The following CTBP1 variants were observed in gnomAD, a reference collection of about 807,000 sequenced individuals.
CTBP1 encodes C-terminal-binding protein 1.
In CTBP1, 11 loss-of-function variants were observed where a neutral mutation model predicts 42.1. The observed-to-expected ratio is 0.26, with a 90% CI of 0.16 to 0.43. The LOEUF is 0.43. Ranked by LOEUF, CTBP1 falls within the 20% of genes least tolerant of loss-of-function variation. The pLI is 1.00. For synonymous variants in CTBP1, 324 were observed against 277.1 expected (o/e 1.17, Z -1.68); for missense variants, 399 against 624.3 (o/e 0.64, Z 3.85).
intron 1 of CTBP1, chr4:1,245,246 A>G: frequency 2.0e-6 from 2 of 985,438 alleles, no homozygotes; most frequent in Non-Finnish European, 2.4e-6. Context: ...GACACAGCGC[A>G]GGGGCTGTGA....
At chr4:1,237,779 C>T (rs1731708849) in intron 3 of CTBP1, 1 of 691,882 alleles carries the variant, frequency 1.4e-6, no homozygotes, top group Non-Finnish European at 2.6e-6. Context: ...CAGGACAAAC[C>T]CCGTGTCCAC....
At chr4:1,218,840 A>G (rs1729430021) in intron 5 of CTBP1, among the ~76,000 whole-genome samples, 1 of 152,208 alleles carries the variant, frequency 6.6e-6, no homozygotes, top group Admixed American at 6.5e-5. Context: ...ATCATTTAAC[A>G]CCTGATTAAT....
chr4:1,212,675 G>C (rs1728669577), intron 9 of CTBP1: 2 of 609,002 alleles, frequency 3.3e-6, no homozygotes, highest in South Asian at 4.0e-5. Context: ...CCTCCCACAG[G>C]CCCCGTGCCC....
chr4:1,233,131 A>G lies in CTBP1; in HGVS notation c.163-4788T>C, dbSNP rs756140125. ...ATGGGGTCTCTGTCCTCTTGGTCCT[A>G]GAAGCGACTGTGACCCGGTATTAAG... On this transcript the variant is annotated intron_variant, in intron 3 of 9. Transcript: ENST00000382952. The surrounding 1 kb of genome is among the most constrained non-coding windows in gnomAD (Gnocchi z 4.6). The G allele has an allele frequency of 6.6e-6, 1 of 152,216 alleles. No individual in the cohort carries two copies. Among genetic ancestry groups the G allele is most frequent in the Non-Finnish European group, 1.5e-5 (1 of 68,082 alleles). 9.4% of individuals were successfully genotyped at this position (152,216 alleles called of 1,614,324 possible). A position where few individuals can be genotyped will look rare whatever the true frequency, so the allele number is the denominator to read the frequency against.
chr4:1,232,834 G>A (rs771443558), intron 3 of CTBP1: 5 of 152,170 alleles, frequency 3.3e-5, no homozygotes, highest in Non-Finnish European at 5.9e-5. Context: ...GTTCCTGAAC[G>A]GCCACCCCAG....
At position 1,244,572 on chromosome 4, in the gene CTBP1, C is replaced by T. The variant is rs1426773245; in HGVS notation, c.-188-3053G>A. On this transcript the variant is annotated intron_variant, in intron 1 of 9. Transcript: ENST00000382952. ...TCACGACCTCCACCAGGACAGTGTC[C>T]CAAAAGCTCCTCCTCACCAACCCCA... is the stretch of plus-strand genomic sequence containing the variant. 4 of 985,060 alleles carry T rather than the reference C, an allele frequency of 4.1e-6. No individual in the cohort carries two copies. The African/African-American group carries it at 7.0e-5, about 17-fold the overall frequency. The allele number at this position is 985,060 out of a possible 1,614,324, so 61.0% of individuals were successfully genotyped here.
intron 1 of CTBP1, chr4:1,243,565 C>T (rs1732409047): frequency 1.0e-6 from 1 of 985,314 alleles, no homozygotes; most frequent in African/African-American, 1.7e-5. Flanking sequence ...ACCCTGGGGC[C>T]ACTGTGCACC....
intron 5 of CTBP1, chr4:1,223,599 G>A (rs1315664403): frequency 4.8e-6 from 2 of 421,002 alleles, no homozygotes; most frequent in Non-Finnish European, 9.5e-6. Context: ...GCCTCCTGAG[G>A]AACCCGCGAT....
intron 5 of CTBP1, among the ~76,000 whole-genome samples, chr4:1,220,290 A>G (rs1280227129): frequency 2.9e-5 from 4 of 139,764 alleles, no homozygotes; most frequent in Admixed American, 2.8e-4. Context: ...GACTGTCTCC[A>G]AAAAAAAAAA....
At chr4:1,245,523 C>A in intron 1 of CTBP1, 1 of 985,354 alleles carries the variant, frequency 1.0e-6, no homozygotes, top group Non-Finnish European at 1.2e-6. Context: ...AGCCCAGGAG[C>A]CCCCACACCA....
At chr4:1,229,509 C>T (rs1020114632) in intron 3 of CTBP1, among the ~76,000 whole-genome samples, 3 of 152,232 alleles carry the variant, frequency 2.0e-5, no homozygotes, top group African/African-American at 7.2e-5. Context: ...GCCCCAGGTA[C>T]TCCTGACGGA....
chr4:1,236,846 C>T (rs1198783903), intron 3 of CTBP1: 2 of 650,144 alleles, frequency 3.1e-6, no homozygotes, highest in Non-Finnish European at 5.5e-6. Flanking sequence ...CAGGACAAAC[C>T]CGGTGTCCAC....
chr4:1,213,696 G>T, intron 7 of CTBP1, 91 bp from the exon 8 acceptor site: 1 of 1,492,044 alleles, frequency 6.7e-7, no homozygotes, highest in East Asian at 2.4e-5. Context: ...CCCTGTGGGG[G>T]GCCCTGCCTG....
chr4:1,221,497 C>G (rs76687727), intron 5 of CTBP1: 2,580 of 156,726 alleles, frequency 0.016, 65 homozygotes, highest in African/African-American at 0.057. Flanking sequence ...CAAAAACTTA[C>G]AAAATGCATC....
intron 3 of CTBP1, 119 bp from the exon 4 acceptor site, chr4:1,228,462 G>T: frequency 7.8e-7 from 1 of 1,283,362 alleles, no homozygotes; most frequent in African/African-American, 1.5e-5. Context: ...TGTTCCCCAA[G>T]CACCAGCCCG....
At chr4:1,243,199 C>A in intron 1 of CTBP1, 2 of 985,412 alleles carry the variant, frequency 2.0e-6, no homozygotes, top group Non-Finnish European at 2.4e-6. Context: ...TCATCGATAC[C>A]CATCAATGCT....
At position 1,228,403 on chromosome 4, in the gene CTBP1, CG is replaced by C. The variant is rs1577048066; in HGVS notation, c.163-61del. 1.9e-6 allele frequency: 3 copies of C among 1,574,988 alleles called. No homozygotes were observed. In the East Asian group the frequency reaches 6.8e-5, roughly 36 times the overall value. ...CCTGAAGACCCTCGGGCTTGGCCTTCGGGGGTGGGGCTGCCCCGGCTGGGAA... is the reference window on the plus strand; with the variant it reads ...CCTGAAGACCCTCGGGCTTGGCCTTCGGGGTGGGGCTGCCCCGGCTGGGAA... On this transcript the variant is annotated intron_variant, in intron 3 of 9. Coordinates refer to ENST00000382952, the MANE Select transcript of CTBP1 (RefSeq NM_001012614.2).
chr4:1,216,195 C>T lies in CTBP1; in HGVS notation c.525G>A (p.Gly175=). 3 of 1,609,714 alleles carry T rather than the reference C, an allele frequency of 1.9e-6. No individual in the cohort carries two copies. Among genetic ancestry groups the T allele is most frequent in the Non-Finnish European group, 1.7e-6 (2 of 1,179,458 alleles). ...TLGIIGLGRV[G]QAVALRAKAF... is the part of the protein sequence containing the mutation. ...CCTTGGCCCGCAGCGCCACTGCCTG[C>T]CCCACGCGACCTGGTGGCGTCAAGA... Residue 175 remains glycine, a synonymous_variant, in exon 6 of 10, where the codon GGG becomes GGA. Coordinates refer to ENST00000382952, the MANE Select transcript of CTBP1 (RefSeq NM_001012614.2).
chr4:1,220,666 C>T (rs1240715407), intron 5 of CTBP1, among the ~76,000 whole-genome samples: 1 of 152,254 alleles, frequency 6.6e-6, no homozygotes, highest in Non-Finnish European at 1.5e-5. Flanking sequence ...AACAGGTCCA[C>T]GGAACAGAAG....
Sources: allele counts gnomAD v4.1 joint callset (sites outside exome capture counted in the v4.1 genomes callset), GRCh38; gene constraint gnomAD v4.1.1; non-coding constraint Gnocchi (gnomAD v3.1); transcripts MANE v1.5; gene names NCBI Gene and HGNC (gene_info 2026-07-23, HGNC 2026-07-21).